Variants in AZIN1 observed in about 807,000 individuals in gnomAD.
AZIN1 encodes the protein ornithine decarboxylase antizyme inhibitor.
AZIN1 carries 12 observed loss-of-function variants against 47.4 expected under a neutral mutation model. The observed-to-expected ratio is 0.25, with a 90% CI of 0.16 to 0.41. The LOEUF (loss-of-function observed/expected upper bound fraction) is 0.41. Ranked by LOEUF, AZIN1 falls within the 10% of genes least tolerant of loss-of-function variation. AZIN1 has a pLI of 1.00. For synonymous variants in AZIN1, 155 were observed against 176.3 expected (o/e 0.88, Z 0.96); for missense variants, 410 against 532.4 (o/e 0.77, Z 2.26).
At chr8:102,864,192 T>G, upstream of AZIN1, 1 of 185,844 alleles carries the variant, frequency 5.4e-6, no homozygotes, top group Non-Finnish European at 1.1e-5. Flanking sequence ...ACGCCAGTAT[T>G]TATATTAGGG....
At chr8:102,858,896 T>C (rs982433291) in intron 1 of AZIN1, among the ~76,000 whole-genome samples, 2 of 152,230 alleles carry the variant, frequency 1.3e-5, no homozygotes, top group African/African-American at 4.8e-5. Context: ...TTACCACTCA[T>C]CACTTCTAAG....
intron 9 of AZIN1, among the ~76,000 whole-genome samples, chr8:102,831,721 GC>G (rs1811476561): frequency 6.6e-6 from 1 of 151,702 alleles, no homozygotes; most frequent in Non-Finnish European, 1.5e-5. Flanking sequence ...GGAGGCTGAG[GC>G]AGGTGGATCA....
intron 5 of AZIN1, among the ~76,000 whole-genome samples, chr8:102,837,403 A>T (rs995421645): frequency 1.3e-5 from 2 of 152,210 alleles, no homozygotes; most frequent in African/African-American, 2.4e-5. Flanking sequence ...AAATATACAA[A>T]TTCTTTTTGT....
chr8:102,860,256 G>GT (rs1193612454), intron 1 of AZIN1, among the ~76,000 whole-genome samples: 1 of 152,112 alleles, frequency 6.6e-6, no homozygotes, highest in African/African-American at 2.4e-5. Flanking sequence ...AGCATTTTAT[G>GT]TAATTTATTT....
At chr8:102,847,534 C>A (rs1355356637) in intron 2 of AZIN1, among the ~76,000 whole-genome samples, 1 of 151,560 alleles carries the variant, frequency 6.6e-6, no homozygotes, top group Non-Finnish European at 1.5e-5. Flanking sequence ...AATGAACTCC[C>A]TGGAAGTGTA....
intron 2 of AZIN1, among the ~76,000 whole-genome samples, chr8:102,857,085 A>T (rs1428286287): frequency 1.3e-5 from 2 of 152,238 alleles, no homozygotes; most frequent in Non-Finnish European, 2.9e-5. Flanking sequence ...CCAGTATAGG[A>T]AACCCTCTAG....
chr8:102,852,763 C>T (rs899753348), intron 2 of AZIN1, among the ~76,000 whole-genome samples: 6 of 152,118 alleles, frequency 3.9e-5, no homozygotes, highest in South Asian at 2.1e-4. Flanking sequence ...AGTGGATTAA[C>T]GAAAAGGAGA....
chr8:102,839,834 TA>T lies in AZIN1; in HGVS notation c.103-12del. The T allele has an allele frequency of 6.5e-7, 1 of 1,541,526 alleles. No homozygotes were observed. The stretch of plus-strand genomic sequence containing the variant: ...TGCATTTTTCCCTGTCTATTATGGT[TA>T]TAAAAAAAAAGACAAATATGAACAA... On this transcript the variant is annotated splice_polypyrimidine_tract_variant and intron_variant, in intron 3 of 11. Coordinates refer to ENST00000337198, the MANE Select transcript of AZIN1 (RefSeq NM_148174.4).
intron 1 of AZIN1, chr8:102,859,262 C>G (rs1484927286): frequency 6.6e-6 from 1 of 152,174 alleles, no homozygotes; most frequent in South Asian, 2.1e-4. Context: ...CATTCTGATT[C>G]TTTCAACACC....
intron 5 of AZIN1, among the ~76,000 whole-genome samples, chr8:102,837,561 CAAG>C (rs1261003552): frequency 6.6e-6 from 1 of 152,194 alleles, no homozygotes; most frequent in Non-Finnish European, 1.5e-5. Context: ...TCAGCTCCAT[CAAG>C]AAGATGCCAG....
intron 1 of AZIN1, among the ~76,000 whole-genome samples, chr8:102,862,500 AT>A (rs1813745297): frequency 6.6e-6 from 1 of 152,156 alleles, no homozygotes; most frequent in Non-Finnish European, 1.5e-5. Flanking sequence ...CTTGGGGCTT[AT>A]TTCTAATCAT....
At chr8:102,836,566 T>C (rs1323267520) in intron 5 of AZIN1, 176 bp from the exon 6 acceptor site, 1 of 623,706 alleles carries the variant, frequency 1.6e-6, no homozygotes, top group Admixed American at 3.2e-5. Context: ...AACTAGCAAT[T>C]AGGGCCTAAA....
Position 102,827,307 on chromosome 8 carries a change from A to C in AZIN1, c.*1260T>G, listed in dbSNP as rs1247747167. The C allele has an allele frequency of 6.6e-6, 1 of 152,262 alleles. No individual in the cohort carries two copies. The highest frequency in any genetic ancestry group is 1.5e-5 in the Non-Finnish European group (1 of 68,028). 9.4% of individuals were successfully genotyped at this position (152,262 alleles called of 1,614,324 possible). A position where few individuals can be genotyped will look rare whatever the true frequency, so the allele number is the denominator to read the frequency against. ...AATTCCTGGCAACAACTGTCAGGTT[A>C]GTGATGCTAACTCCCTTCCCCCAAC... On this transcript the variant is annotated 3_prime_UTR_variant, in exon 12 of 12. Transcript: ENST00000337198.
intron 2 of AZIN1, among the ~76,000 whole-genome samples, chr8:102,853,379 A>G (rs550539029): frequency 3.9e-5 from 6 of 152,290 alleles, no homozygotes; most frequent in African/African-American, 1.4e-4. Context: ...GTGCATGCCT[A>G]TAATACCAGC....
Position 102,838,773 on chromosome 8 carries a change from CTTCAA to C in AZIN1, c.415_419del (p.Leu139GlufsTer5). 1 of 1,612,598 alleles carries C rather than the reference CTTCAA, an allele frequency of 6.2e-7. No homozygotes were observed. Among genetic ancestry groups the C allele is most frequent in the Non-Finnish European group, 8.5e-7 (1 of 1,179,596 alleles). On this transcript the variant is annotated frameshift_variant, in exon 5 of 12. Transcript: ENST00000337198. LOFTEE classifies it high-confidence loss of function. ...CATTTGGGTGATTACGTGCAATTTTCTTCAATTCAATTTCATTGTCACATGTCAGG... is the reference window on the plus strand; with the variant it reads ...CATTTGGGTGATTACGTGCAATTTTCTTCAATTTCATTGTCACATGTCAGG...
rs369897335 is a variant in AZIN1 at position 102,831,392 on chromosome 8, T to C, written c.905-1456A>G. Reference sequence around the variant, plus strand: ...TTAAAAACAGGTAGTTTACAGAGTCTCTAATTTAAACTTGCCACTTCACAA... The same window carrying C: ...TTAAAAACAGGTAGTTTACAGAGTCCCTAATTTAAACTTGCCACTTCACAA... On this transcript the variant is annotated intron_variant, in intron 9 of 11. Transcript: ENST00000337198. 1.5e-4 allele frequency among the ~76,000 whole-genome samples: 22 copies of C among 151,690 alleles called. 1 individual carries two copies. The highest frequency in any genetic ancestry group is 6.6e-4 in the Admixed American group (10 of 15,212).
chr8:102,835,575 A>G (rs1479464194), intron 6 of AZIN1: 1 of 152,282 alleles, frequency 6.6e-6, no homozygotes, highest in African/African-American at 2.4e-5. Flanking sequence ...TTGAGCCAGG[A>G]GTTTGAGGCT....
chr8:102,862,408 C>T (rs1813738880), intron 1 of AZIN1, among the ~76,000 whole-genome samples: 1 of 151,984 alleles, frequency 6.6e-6, no homozygotes, highest in Non-Finnish European at 1.5e-5. Flanking sequence ...TGTGATAAAA[C>T]CTTGGGGGAG....
intron 2 of AZIN1, chr8:102,854,524 G>A (rs962980054): frequency 1.3e-5 from 2 of 150,492 alleles, no homozygotes; most frequent in African/African-American, 2.4e-5. Context: ...TTGAACCAGG[G>A]AGGCGGAGGT....
Sources: allele counts gnomAD v4.1 joint callset (sites outside exome capture counted in the v4.1 genomes callset), GRCh38; gene constraint gnomAD v4.1.1; transcripts MANE v1.5; gene names NCBI Gene and HGNC (gene_info 2026-07-23, HGNC 2026-07-21).